ROBO1: variants seen among roughly 807,000 people sequenced by gnomAD.
The protein encoded by ROBO1 is roundabout guidance receptor 1.
ROBO1 carries 149 observed loss-of-function variants against 195.9 expected under a neutral mutation model. The observed-to-expected ratio is 0.76, with a 90% CI of 0.67 to 0.87. ROBO1 has a LOEUF of 0.87. Ranked by LOEUF, ROBO1 falls within the 40% of genes least tolerant of loss-of-function variation. The pLI is 0.00. For missense variants in ROBO1, 1,933 were observed against 2,068.3 expected, an observed-to-expected ratio of 0.93 and a Z score of 1.27; for synonymous variants, 816 against 733.2, an observed-to-expected ratio of 1.11 and a Z score of -1.82.
At chr3:78,957,606 T>C (rs1442745979) in intron 3 of ROBO1, among the ~76,000 whole-genome samples, 1 of 151,974 alleles carries the variant, frequency 6.6e-6, no homozygotes, top group African/African-American at 2.4e-5. Flanking sequence ...AAAGCCTGAG[T>C]GAGATTACAT....
chr3:78,810,481 A>T (rs1215710737), intron 4 of ROBO1, among the ~76,000 whole-genome samples: 1 of 152,174 alleles, frequency 6.6e-6, no homozygotes, highest in Non-Finnish European at 1.5e-5. Flanking sequence ...AGGAAAAAAA[A>T]TCATCCAGCC....
intron 10 of ROBO1, among the ~76,000 whole-genome samples, chr3:78,679,349 T>C (rs1327409181): frequency 6.6e-6 from 1 of 152,024 alleles, no homozygotes; most frequent in Non-Finnish European, 1.5e-5. Flanking sequence ...GAGAAGGAAA[T>C]AAAGGGTATT....
At chr3:78,939,574 C>T (rs1432824595) in intron 3 of ROBO1, among the ~76,000 whole-genome samples, 8 of 150,406 alleles carry the variant, frequency 5.3e-5, no homozygotes, top group African/African-American at 2.0e-4. Context: ...GCCGAGATCG[C>T]GCCACTGCAC....
intron 1 of ROBO1, among the ~76,000 whole-genome samples, chr3:79,663,815 CTTCT>C (rs1477724933): frequency 6.6e-6 from 1 of 151,976 alleles, no homozygotes; most frequent in African/African-American, 2.4e-5. Context: ...TCTCTTCCCA[CTTCT>C]TTCTTTGTTG....
At chr3:79,406,032 T>C (rs2037533191) in intron 2 of ROBO1, among the ~76,000 whole-genome samples, 1 of 152,090 alleles carries the variant, frequency 6.6e-6, no homozygotes, top group South Asian at 2.1e-4. Context: ...TCTTTAAAAA[T>C]TTATTTCAAA....
chr3:78,953,100 T>A (rs1261881846), intron 3 of ROBO1, among the ~76,000 whole-genome samples: 1 of 151,982 alleles, frequency 6.6e-6, no homozygotes, highest in Non-Finnish European at 1.5e-5. Flanking sequence ...GAATTTTGCC[T>A]CCCCTCTCCC....
At chr3:79,620,159 G>A (rs151146152) in intron 1 of ROBO1, among the ~76,000 whole-genome samples, 199 of 152,246 alleles carry the variant, frequency 1.3e-3, no homozygotes, top group African/African-American at 4.5e-3. Flanking sequence ...GCTGTGTCCC[G>A]TCTGTGCGGG....
intron 2 of ROBO1, among the ~76,000 whole-genome samples, chr3:79,556,448 A>C (rs1405714919): frequency 6.6e-6 from 1 of 152,106 alleles, no homozygotes; most frequent in Non-Finnish European, 1.5e-5. Flanking sequence ...ATTAGGACTC[A>C]CACTTGAGTC....
chr3:79,249,138 C>G (rs1158582560), intron 2 of ROBO1, among the ~76,000 whole-genome samples: 1 of 152,126 alleles, frequency 6.6e-6, no homozygotes, highest in Middle Eastern at 3.2e-3. Flanking sequence ...TAAAAACAAA[C>G]AGACTAATAC....
chr3:78,861,919 A>T (rs372343619), intron 4 of ROBO1, among the ~76,000 whole-genome samples: 56 of 152,214 alleles, frequency 3.7e-4, no homozygotes, highest in African/African-American at 1.3e-3. Context: ...TATGGCTTAT[A>T]TTTAGAATAT....
At chr3:79,572,757 G>A (rs554500801) in intron 2 of ROBO1, among the ~76,000 whole-genome samples, 10 of 152,154 alleles carry the variant, frequency 6.6e-5, no homozygotes, top group Non-Finnish European at 1.5e-4. Flanking sequence ...ACAGAGAAAG[G>A]CCAAATTCAT....
chr3:79,611,287 A>G (rs113577220), intron 1 of ROBO1, among the ~76,000 whole-genome samples: 12 of 152,222 alleles, frequency 7.9e-5, no homozygotes, highest in South Asian at 2.1e-4. Context: ...ATACAAATCT[A>G]TCATGTTTAT....
intron 4 of ROBO1, among the ~76,000 whole-genome samples, chr3:78,759,967 G>A (rs1306203766): frequency 6.6e-6 from 1 of 152,154 alleles, no homozygotes; most frequent in African/African-American, 2.4e-5. Flanking sequence ...AAACTACCAC[G>A]CTGATGTGGT....
intron 10 of ROBO1, among the ~76,000 whole-genome samples, chr3:78,682,527 G>GTA (rs1472434363): frequency 6.8e-6 from 1 of 146,682 alleles, no homozygotes; most frequent in African/African-American, 2.5e-5. Context: ...GTATATATGT[G>GTA]TATATATGTA....
intron 1 of ROBO1, among the ~76,000 whole-genome samples, chr3:79,762,623 C>CACACACACACACACACACACAA (rs1704768091): frequency 6.8e-6 from 1 of 147,966 alleles, no homozygotes; most frequent in African/African-American, 2.5e-5. Context: ...CACACACACA[C>CACACACACACACACACACACAA]ACACACACAA....
intron 3 of ROBO1, among the ~76,000 whole-genome samples, chr3:79,045,380 T>G (rs1003404370): frequency 6.6e-6 from 1 of 152,098 alleles, no homozygotes; most frequent in Non-Finnish European, 1.5e-5. Context: ...TGATTTGTTG[T>G]GTTAGCTTCA....
intron 2 of ROBO1, among the ~76,000 whole-genome samples, chr3:79,215,418 G>A (rs17016830): frequency 0.047 from 7,179 of 152,006 alleles, 580 homozygotes; most frequent in African/African-American, 0.16. Flanking sequence ...CTAATCGGAG[G>A]AAGGAGTTTG....
intron 10 of ROBO1, among the ~76,000 whole-genome samples, chr3:78,682,045 T>C (rs2080927495): frequency 6.6e-6 from 1 of 152,026 alleles, no homozygotes; most frequent in South Asian, 2.1e-4. Flanking sequence ...GAAAAGCAAA[T>C]AATGAAACTG....
intron 1 of ROBO1, among the ~76,000 whole-genome samples, chr3:79,648,644 A>G (rs914431712): frequency 1.1e-4 from 16 of 152,104 alleles, no homozygotes; most frequent in African/African-American, 1.7e-4. Flanking sequence ...CCATAAATGG[A>G]TGGGGTAATA....
Sources: allele counts gnomAD v4.1 joint callset (sites outside exome capture counted in the v4.1 genomes callset), GRCh38; gene constraint gnomAD v4.1.1; transcripts MANE v1.5; gene names NCBI Gene and HGNC (gene_info 2026-07-23, HGNC 2026-07-21).